EPSTI1: variants seen among roughly 807,000 people sequenced by gnomAD.
EPSTI1 encodes epithelial stromal interaction 1, also known as epithelial-stromal interaction protein 1.
In EPSTI1, 66 loss-of-function variants were observed where a neutral mutation model predicts 49.9. The ratio of observed to expected loss-of-function variants is 1.32; its 90% CI spans 1.08 to 1.62. EPSTI1 has a LOEUF of 1.62. Ranked by LOEUF, EPSTI1 falls within the 40% of genes most tolerant of loss-of-function variation. The pLI is 0.00. For synonymous variants in EPSTI1, 137 were observed against 130.7 expected (o/e 1.05, Z -0.33); for missense variants, 394 against 365.5 (o/e 1.08, Z -0.64).
At chr13:42,946,699 T>C (rs1288890439) in intron 6 of EPSTI1, among the ~76,000 whole-genome samples, 1 of 152,138 alleles carries the variant, frequency 6.6e-6, no homozygotes, top group East Asian at 1.9e-4. Context: ...TCTCCAATAG[T>C]CCTCTCCACA....
intron 5 of EPSTI1, among the ~76,000 whole-genome samples, chr13:42,956,057 A>G (rs538808280): frequency 1.9e-4 from 29 of 152,322 alleles, no homozygotes; most frequent in Non-Finnish European, 3.2e-4. Context: ...GACACAGACA[A>G]AAAAGAAATG....
At chr13:42,947,877 C>A (rs1448214150) in intron 6 of EPSTI1, among the ~76,000 whole-genome samples, 1 of 152,246 alleles carries the variant, frequency 6.6e-6, no homozygotes, top group Non-Finnish European at 1.5e-5. Context: ...TTTCATCCGT[C>A]AGGGCTCTGC....
At chr13:42,909,775 G>C (rs1303400862) in intron 8 of EPSTI1, among the ~76,000 whole-genome samples, 2 of 152,112 alleles carry the variant, frequency 1.3e-5, no homozygotes, top group Admixed American at 1.3e-4. Context: ...AGGCTGGGGG[G>C]GTTAGGAGGA....
intron 1 of EPSTI1, among the ~76,000 whole-genome samples, chr13:42,983,720 T>C (rs2040030286): frequency 6.6e-6 from 1 of 152,140 alleles, no homozygotes; most frequent in Non-Finnish European, 1.5e-5. Context: ...CAAAAAGCCA[T>C]GAGATCTTGG....
chr13:42,897,403 G>A (rs1397779632), intron 9 of EPSTI1, among the ~76,000 whole-genome samples: 1 of 152,166 alleles, frequency 6.6e-6, no homozygotes, highest in Non-Finnish European at 1.5e-5. Flanking sequence ...CTCTCCTCCA[G>A]ATTATAATTT....
intron 1 of EPSTI1, among the ~76,000 whole-genome samples, chr13:42,979,475 A>G (rs1209683657): frequency 1.3e-5 from 2 of 151,616 alleles, no homozygotes; most frequent in African/African-American, 2.4e-5. Context: ...CCAGCTACTC[A>G]GGAGGCTGAG....
chr13:42,894,695 G>C (rs9525702), intron 10 of EPSTI1, among the ~76,000 whole-genome samples: 2 of 132,428 alleles, frequency 1.5e-5, no homozygotes, highest in East Asian at 2.3e-4. Context: ...AAAAAAAAAC[G>C]TTCATTTGTT....
intron 6 of EPSTI1, among the ~76,000 whole-genome samples, chr13:42,933,127 G>A (rs2153423459): frequency 6.6e-6 from 1 of 152,158 alleles, no homozygotes; most frequent in East Asian, 1.9e-4. Context: ...GGAAACTGAT[G>A]GAATATGAAT....
At chr13:42,910,660 T>G (rs1344593834) in intron 8 of EPSTI1, among the ~76,000 whole-genome samples, 1 of 152,204 alleles carries the variant, frequency 6.6e-6, no homozygotes, top group African/African-American at 2.4e-5. Context: ...CTTCCAATAA[T>G]TAGAAAAGCT....
chr13:42,935,111 G>A (rs963732279), intron 6 of EPSTI1, among the ~76,000 whole-genome samples: 19 of 152,110 alleles, frequency 1.2e-4, no homozygotes, highest in African/African-American at 4.1e-4. Flanking sequence ...ATGAATAAAT[G>A]TCCTCTCTCC....
chr13:42,956,497 C>A (rs1203326369), intron 5 of EPSTI1, among the ~76,000 whole-genome samples: 1 of 152,178 alleles, frequency 6.6e-6, no homozygotes, highest in Non-Finnish European at 1.5e-5. Flanking sequence ...GGGGTCCCAG[C>A]AGGCAGGAGG....
chr13:42,958,941 G>A (rs1385918588), intron 5 of EPSTI1, among the ~76,000 whole-genome samples: 1 of 152,050 alleles, frequency 6.6e-6, no homozygotes, highest in African/African-American at 2.4e-5. Flanking sequence ...TGAAATAATT[G>A]AACCCATCCA....
chr13:42,956,649 T>C (rs1287956924), intron 5 of EPSTI1, among the ~76,000 whole-genome samples: 2 of 152,158 alleles, frequency 1.3e-5, no homozygotes, highest in African/African-American at 2.4e-5. Flanking sequence ...ACCCACAGAA[T>C]TGACCGCCTG....
chr13:42,988,399 T>C (rs535932116), intron 1 of EPSTI1, among the ~76,000 whole-genome samples: 19 of 152,358 alleles, frequency 1.2e-4, no homozygotes, highest in African/African-American at 4.6e-4. Flanking sequence ...CAGTATGAAT[T>C]AGTAAATACT....
intron 6 of EPSTI1, among the ~76,000 whole-genome samples, chr13:42,936,184 C>T (rs1414484255): frequency 1.3e-5 from 2 of 152,080 alleles, no homozygotes; most frequent in Non-Finnish European, 2.9e-5. Flanking sequence ...TCTGTCATCC[C>T]CTTGTGTCTA....
intron 3 of EPSTI1, among the ~76,000 whole-genome samples, chr13:42,968,644 G>A (rs1422450351): frequency 1.3e-5 from 2 of 151,828 alleles, no homozygotes; most frequent in Non-Finnish European, 2.9e-5. Context: ...ACCCACCACC[G>A]GGTTTCCAGC....
intron 8 of EPSTI1, among the ~76,000 whole-genome samples, chr13:42,904,699 TG>T (rs2037449257): frequency 6.6e-6 from 1 of 152,152 alleles, no homozygotes; most frequent in Non-Finnish European, 1.5e-5. Flanking sequence ...AAGACTAAGA[TG>T]GATGTTTTGT....
chr13:42,936,885 C>A (rs1488727530), intron 6 of EPSTI1, among the ~76,000 whole-genome samples: 1 of 152,248 alleles, frequency 6.6e-6, no homozygotes, highest in South Asian at 2.1e-4. Context: ...TAGTAGCCCC[C>A]ATCTCAGTAC....
chr13:42,976,482 TA>T (rs1287410845), intron 1 of EPSTI1, among the ~76,000 whole-genome samples: 1 of 152,224 alleles, frequency 6.6e-6, no homozygotes, highest in Admixed American at 6.5e-5. Flanking sequence ...TATTTAGTAT[TA>T]ACATTCATAT....
Sources: allele counts gnomAD v4.1 joint callset (sites outside exome capture counted in the v4.1 genomes callset), GRCh38; gene constraint gnomAD v4.1.1; transcripts MANE v1.5; gene names NCBI Gene and HGNC (gene_info 2026-07-23, HGNC 2026-07-21).